The following BANK1 variants were observed in gnomAD, a reference collection of about 807,000 sequenced individuals.
BANK1 encodes B-cell scaffold protein with ankyrin repeats.
Under a neutral mutation model 94.5 loss-of-function variants are expected in BANK1, and 95 were observed. The observed-to-expected ratio is 1.00, with a 90% CI of 0.85 to 1.19. The LOEUF is 1.19. Ranked by LOEUF, BANK1 falls within the 50% of genes most tolerant of loss-of-function variation. BANK1 has a pLI of 0.00. For synonymous variants in BANK1, 334 were observed against 308.4 expected, an observed-to-expected ratio of 1.08 and a Z score of -0.87; for missense variants, 987 against 932.2, an observed-to-expected ratio of 1.06 and a Z score of -0.77.
At chr4:102,031,084 C>T (rs767903784) in intron 10 of BANK1, among the ~76,000 whole-genome samples, 15 of 152,212 alleles carry the variant, frequency 9.9e-5, no homozygotes, top group Non-Finnish European at 1.8e-4. Context: ...TGTTTCTCCA[C>T]ATCCTCACCA....
intron 11 of BANK1, among the ~76,000 whole-genome samples, chr4:102,053,047 G>C (rs1271657979): frequency 6.6e-6 from 1 of 152,168 alleles, no homozygotes; most frequent in African/African-American, 2.4e-5. Context: ...CAACAAAAGG[G>C]ACTCACACTA....
intron 4 of BANK1, among the ~76,000 whole-genome samples, chr4:101,866,635 T>TTACGTTGAATTTCTCTTCAGAA (rs1728077647): frequency 5.9e-4 from 71 of 119,700 alleles, no homozygotes; most frequent in Middle Eastern, 4.0e-3. Flanking sequence ...AGTATAGGAA[T>TTACGTTGAATTTCTCTTCAGAA]ACCATTTGAC....
chr4:102,008,893 A>G (rs749102136), intron 7 of BANK1, among the ~76,000 whole-genome samples: 4 of 152,252 alleles, frequency 2.6e-5, no homozygotes, highest in Non-Finnish European at 5.9e-5. Flanking sequence ...CTCAAAAAAC[A>G]CATAGCTCTT....
chr4:101,926,105 G>T (rs1020499700), intron 7 of BANK1, among the ~76,000 whole-genome samples: 5 of 151,442 alleles, frequency 3.3e-5, no homozygotes, highest in African/African-American at 7.3e-5. Context: ...GATAGGAAAG[G>T]GTATTTAATA....
intron 7 of BANK1, among the ~76,000 whole-genome samples, chr4:101,924,040 A>G (rs113123639): frequency 0.01 from 1,559 of 151,880 alleles, 10 homozygotes; most frequent in Non-Finnish European, 0.014. Context: ...ATTTTTAATT[A>G]TTTATTTACA....
At chr4:101,904,215 T>G (rs1722371009) in intron 6 of BANK1, among the ~76,000 whole-genome samples, 1 of 152,182 alleles carries the variant, frequency 6.6e-6, no homozygotes, top group Admixed American at 6.5e-5. Flanking sequence ...AAAGGCCAGT[T>G]TTTTGGAATT....
At chr4:102,025,596 T>C in intron 9 of BANK1, 87 bp downstream of exon 9, 1 of 1,273,140 alleles carries the variant, frequency 7.9e-7, no homozygotes, top group Non-Finnish European at 1.1e-6. Flanking sequence ...GGCAAATCTA[T>C]ACAGAGCAGA....
intron 1 of BANK1, among the ~76,000 whole-genome samples, chr4:101,806,014 T>C (rs1725538479): frequency 6.6e-6 from 1 of 151,986 alleles, no homozygotes; most frequent in Non-Finnish European, 1.5e-5. Context: ...AGAAAAAGTG[T>C]GATTAGGGTC....
At chr4:101,907,028 T>A (rs186415832) in intron 6 of BANK1, among the ~76,000 whole-genome samples, 148 of 152,296 alleles carry the variant, frequency 9.7e-4, no homozygotes, top group African/African-American at 3.4e-3. Flanking sequence ...AACCAGTCAT[T>A]AGCATTGTTT....
At chr4:101,991,961 C>CT (rs1725724734) in intron 7 of BANK1, among the ~76,000 whole-genome samples, 1 of 152,116 alleles carries the variant, frequency 6.6e-6, no homozygotes, top group Non-Finnish European at 1.5e-5. Flanking sequence ...TGCCTGAAGC[C>CT]TGAGAGCAAA....
At chr4:101,888,618 C>T (rs1237032208) in intron 5 of BANK1, among the ~76,000 whole-genome samples, 2 of 152,148 alleles carry the variant, frequency 1.3e-5, no homozygotes, top group African/African-American at 4.8e-5. Context: ...CACTTATTAG[C>T]TCTGCCAATT....
intron 7 of BANK1, among the ~76,000 whole-genome samples, chr4:101,984,412 T>C (rs1578436321): frequency 6.6e-6 from 1 of 152,156 alleles, no homozygotes; most frequent in South Asian, 2.1e-4. Flanking sequence ...ACCACTAACT[T>C]ACCAGGAAAA....
chr4:101,924,504 T>C (rs369771291), intron 7 of BANK1, among the ~76,000 whole-genome samples: 2 of 151,948 alleles, frequency 1.3e-5, no homozygotes, highest in East Asian at 3.9e-4. Flanking sequence ...CATTCATTAC[T>C]CTGCCTCAGC....
intron 1 of BANK1, among the ~76,000 whole-genome samples, chr4:101,806,420 C>T (rs11940179): frequency 0.27 from 41,623 of 151,900 alleles, 5,907 homozygotes; most frequent in Non-Finnish European, 0.32. Context: ...TATAAGACGA[C>T]TATTAATTAA....
chr4:102,046,800 G>A (rs1364888308), intron 11 of BANK1, among the ~76,000 whole-genome samples: 5 of 152,054 alleles, frequency 3.3e-5, no homozygotes, highest in African/African-American at 1.2e-4. Flanking sequence ...AAGAAAGACT[G>A]TAGCAGATCA....
intron 6 of BANK1, among the ~76,000 whole-genome samples, chr4:101,912,575 A>T (rs1275400016): frequency 1.3e-5 from 2 of 148,620 alleles, no homozygotes; most frequent in Admixed American, 6.7e-5. Flanking sequence ...CATATATATA[A>T]AATATGTATT....
At chr4:102,054,312 C>A (rs1373358957) in intron 11 of BANK1, among the ~76,000 whole-genome samples, 1 of 152,122 alleles carries the variant, frequency 6.6e-6, no homozygotes, top group African/African-American at 2.4e-5. Flanking sequence ...ACTCTCACTA[C>A]AACTTTCCTG....
chr4:101,791,456 C>T (rs568749394), intron 1 of BANK1, among the ~76,000 whole-genome samples: 3 of 152,320 alleles, frequency 2.0e-5, no homozygotes, highest in Non-Finnish European at 4.4e-5. Flanking sequence ...ACTCTACCAA[C>T]ACCACCTCCC....
intron 11 of BANK1, among the ~76,000 whole-genome samples, chr4:102,047,762 G>A (rs554018071): frequency 2.6e-5 from 4 of 152,202 alleles, no homozygotes; most frequent in South Asian, 4.2e-4. Flanking sequence ...AGTATCAAGT[G>A]TAATGAAGAG....
Sources: allele counts gnomAD v4.1 joint callset (sites outside exome capture counted in the v4.1 genomes callset), GRCh38; gene constraint gnomAD v4.1.1; transcripts MANE v1.5; gene names NCBI Gene and HGNC (gene_info 2026-07-23, HGNC 2026-07-21).